The following MAD1L1 variants were observed in gnomAD, a reference collection of about 807,000 sequenced individuals.
The protein encoded by MAD1L1 is mitotic arrest deficient 1 like 1, also known as mitotic spindle assembly checkpoint protein MAD1.
Under a neutral mutation model 96.9 loss-of-function variants are expected in MAD1L1, and 95 were observed. The ratio of observed to expected loss-of-function variants is 0.98; its 90% CI spans 0.83 to 1.16. The LOEUF (loss-of-function observed/expected upper bound fraction) is 1.16. Ranked by LOEUF, MAD1L1 falls within the 50% of genes most tolerant of loss-of-function variation. The probability of loss-of-function intolerance (pLI) is 0.00; values close to 1 mark genes in which losing one functional copy is unlikely to be tolerated. For synonymous variants in MAD1L1, 473 were observed against 396.6 expected (o/e 1.19, Z -2.29); for missense variants, 1,007 against 954.4 (o/e 1.06, Z -0.73).
At chr7:1,876,387 C>T (rs186655523) in intron 18 of MAD1L1, among the ~76,000 whole-genome samples, 56 of 152,118 alleles carry the variant, frequency 3.7e-4, no homozygotes, top group African/African-American at 9.9e-4. Context: ...CCCTGCCGGA[C>T]GCTGCCCCTT....
chr7:2,095,971 C>G (rs1204434849), intron 11 of MAD1L1, among the ~76,000 whole-genome samples: 1 of 152,226 alleles, frequency 6.6e-6, no homozygotes, highest in African/African-American at 2.4e-5. Flanking sequence ...GGAGACACAG[C>G]AGGAGAGACG....
At chr7:1,976,414 A>G (rs1203390236) in intron 15 of MAD1L1, among the ~76,000 whole-genome samples, 2 of 152,106 alleles carry the variant, frequency 1.3e-5, no homozygotes, top group African/African-American at 4.8e-5. Flanking sequence ...TGAGTGTTAC[A>G]GCTCTTAAGG....
At chr7:1,992,544 T>C (rs1781398750) in intron 14 of MAD1L1, among the ~76,000 whole-genome samples, 3 of 152,210 alleles carry the variant, frequency 2.0e-5, no homozygotes, top group Admixed American at 2.0e-4. Context: ...GAAACAAGCC[T>C]GAATTTGAAA....
At chr7:1,829,388 T>C (rs1754303601) in intron 18 of MAD1L1, 1 of 152,256 alleles carries the variant, frequency 6.6e-6, no homozygotes, top group African/African-American at 2.4e-5. Flanking sequence ...GGCGAGGAGC[T>C]GCCATAGGAC....
chr7:1,832,617 G>T (rs111922293), intron 18 of MAD1L1, among the ~76,000 whole-genome samples: 7 of 48,928 alleles, frequency 1.4e-4, no homozygotes, highest in Admixed American at 5.7e-4. Flanking sequence ...TCATTGCTGT[G>T]TTTTTTTTTT....
intron 18 of MAD1L1, among the ~76,000 whole-genome samples, chr7:1,874,993 G>A (rs1384077997): frequency 6.6e-6 from 1 of 152,136 alleles, no homozygotes; most frequent in African/African-American, 2.4e-5. Context: ...GGCATACTCC[G>A]AGCCAAGGGC....
In MAD1L1 at chr7:2,179,396, C is replaced by T. The variant is rs190929418; in HGVS notation, c.987-30158G>A. Among the ~76,000 whole-genome samples, 1,331 of 152,060 alleles carry T rather than the reference C, an allele frequency of 8.8e-3. 17 individuals are homozygous for T. The highest frequency in any genetic ancestry group is 0.03 in the African/African-American group (1,249 of 41,482). On this transcript the variant is annotated intron_variant, in intron 10 of 18. Coordinates refer to ENST00000265854, the MANE Select transcript of MAD1L1 (RefSeq NM_001013836.2). ...TATAAAAATTAGCCGGGCATGGTGG[C>T]GCATGCCTGTAATCCCAGCCACTCA...
chr7:2,102,723 C>T (rs1377183577), intron 11 of MAD1L1, among the ~76,000 whole-genome samples: 4 of 151,898 alleles, frequency 2.6e-5, no homozygotes, highest in Admixed American at 6.6e-5. Flanking sequence ...ACTCTCACCA[C>T]GTCCCCACCA....
At chr7:1,986,624 C>T (rs1011458715) in intron 14 of MAD1L1, among the ~76,000 whole-genome samples, 2 of 152,162 alleles carry the variant, frequency 1.3e-5, no homozygotes, top group Admixed American at 6.5e-5. Flanking sequence ...CTGCTCACTG[C>T]GTCTGCTCAC....
chr7:2,079,754 C>T (rs760405110), intron 11 of MAD1L1: 16 of 470,802 alleles, frequency 3.4e-5, no homozygotes, highest in East Asian at 2.1e-4. Context: ...CCGGCAAGCA[C>T]GGCCGCAGGG....
intron 18 of MAD1L1, among the ~76,000 whole-genome samples, chr7:1,829,942 G>A (rs1782624310): frequency 6.6e-6 from 1 of 152,148 alleles, no homozygotes. Flanking sequence ...AGTACAGAAA[G>A]ACAAAGCCCA....
At chr7:2,204,674 C>G (rs1228341747) in intron 10 of MAD1L1, among the ~76,000 whole-genome samples, 1 of 152,274 alleles carries the variant, frequency 6.6e-6, no homozygotes, top group African/African-American at 2.4e-5. Flanking sequence ...CCACGGTCCA[C>G]GTATCCCTTC....
chr7:1,938,755 C>A (rs1336882540), intron 16 of MAD1L1, among the ~76,000 whole-genome samples: 1 of 145,976 alleles, frequency 6.9e-6, no homozygotes, highest in Non-Finnish European at 1.5e-5. Flanking sequence ...CGCACACACA[C>A]ACACACACAC....
Position 1,966,438 on chromosome 7 carries a change from T to G in MAD1L1, c.1506-8719A>C, listed in dbSNP as rs912906470. ...CGGAGAGGGGCCACAAGACGGCCCA[T>G]GCAGACGAGTGTGCACGCTCTCACA... On this transcript the variant is annotated intron_variant, in intron 15 of 18. Coordinates refer to ENST00000265854, the MANE Select transcript of MAD1L1 (RefSeq NM_001013836.2). 2.6e-5 allele frequency among the ~76,000 whole-genome samples: 4 copies of G among 151,562 alleles called. No homozygotes were observed. In the East Asian group the frequency reaches 5.8e-4, roughly 22 times the overall value.
At chr7:1,953,943 G>A (rs1036276904) in intron 16 of MAD1L1, among the ~76,000 whole-genome samples, 4 of 152,178 alleles carry the variant, frequency 2.6e-5, no homozygotes, top group African/African-American at 9.6e-5. Context: ...CAGCCAGAAG[G>A]TCAGTGTCCT....
intron 12 of MAD1L1, among the ~76,000 whole-genome samples, chr7:2,054,225 A>C (rs1784301011): frequency 6.6e-6 from 1 of 152,190 alleles, no homozygotes; most frequent in Admixed American, 6.5e-5. Flanking sequence ...GGTCTTTTCA[A>C]AGAGCCAAGA....
intron 12 of MAD1L1, among the ~76,000 whole-genome samples, chr7:2,022,285 C>T (rs1782823032): frequency 6.6e-6 from 1 of 152,208 alleles, no homozygotes; most frequent in Non-Finnish European, 1.5e-5. Flanking sequence ...TGCCTGTGAC[C>T]TGGTCAAAGG....
At chr7:2,070,123 T>C (rs1785054650) in intron 11 of MAD1L1, among the ~76,000 whole-genome samples, 1 of 152,254 alleles carries the variant, frequency 6.6e-6, no homozygotes, top group Non-Finnish European at 1.5e-5. Context: ...GCTTCCGAGT[T>C]CGTGGCCTGG....
chr7:2,042,369 GGGCATGCACAC>G (rs1783727485), intron 12 of MAD1L1, among the ~76,000 whole-genome samples: 1 of 152,122 alleles, frequency 6.6e-6, no homozygotes, highest in Non-Finnish European at 1.5e-5. Flanking sequence ...ACAGGCACAA[GGGCATGCACAC>G]GGCATTCCTA....
Sources: allele counts gnomAD v4.1 joint callset (sites outside exome capture counted in the v4.1 genomes callset), GRCh38; gene constraint gnomAD v4.1.1; transcripts MANE v1.5; gene names NCBI Gene and HGNC (gene_info 2026-07-23, HGNC 2026-07-21).